AAK1: variants seen among roughly 807,000 people sequenced by gnomAD.
The protein encoded by AAK1 is AP2-associated protein kinase 1.
A neutral mutation model predicts 116.0 loss-of-function variants in AAK1; 37 were observed. That is an observed-to-expected ratio of 0.32 (90% CI 0.25 to 0.42). The LOEUF (loss-of-function observed/expected upper bound fraction) is 0.42, where lower values mean the gene tolerates loss of function less well. AAK1 is among the 10% of genes least tolerant of loss of function. The probability of loss-of-function intolerance (pLI) is 1.00; values close to 1 mark genes in which losing one functional copy is unlikely to be tolerated. For synonymous variants in AAK1, 458 were observed against 439.9 expected (o/e 1.04, Z -0.51); for missense variants, 919 against 1,170.6 (o/e 0.79, Z 3.14).
rs1332969132 is a variant in AAK1 at position 69,518,997 on chromosome 2, G to GGCTGCTGCTGTGCTGGCGGTGGCTGTT, written c.1427_1453dup (p.Gln476_Gln484dup). ...CTGCTGCTGGTAAAACGTGCCTGCC[G>GGCTGCTGCTGTGCTGGCGGTGGCTGTT]GCTGCTGCTGTGCTGGCGGTGGCTG... is the stretch of plus-strand genomic sequence containing the variant. On this transcript the variant is annotated inframe_insertion, in exon 12 of 22. Coordinates refer to ENST00000409085, the MANE Select transcript of AAK1 (RefSeq NM_014911.5). The GGCTGCTGCTGTGCTGGCGGTGGCTGTT allele has an allele frequency of 1.9e-6, 3 of 1,549,772 alleles. No homozygotes were observed. The South Asian group carries it at 3.6e-5, about 18-fold the overall frequency.
chr2:69,582,385 ACGTGTGTGTGTG>A lies in AAK1; in HGVS notation c.164-25419_164-25408del, dbSNP rs758229072. ...AACCTCCGTGTGTGCGTGTGTGTGCACGTGTGTGTGTGCGTGTGTGTGCGCGTGTGTGTGCGT... is the reference window on the plus strand; with the variant it reads ...AACCTCCGTGTGTGCGTGTGTGTGCACGTGTGTGTGCGCGTGTGTGTGCGT... On this transcript the variant is annotated intron_variant, in intron 2 of 21. Coordinates refer to ENST00000409085, the MANE Select transcript of AAK1 (RefSeq NM_014911.5). Among the ~76,000 whole-genome samples, 655 of 145,950 alleles carry A rather than the reference ACGTGTGTGTGTG, an allele frequency of 4.5e-3. 3 individuals carry two copies. Among genetic ancestry groups the A allele is most frequent in the African/African-American group, 0.014 (505 of 35,904 alleles).
At chr2:69,481,682 T>C (rs946158975) in intron 18 of AAK1, 2 of 152,204 alleles carry the variant, frequency 1.3e-5, no homozygotes, top group African/African-American at 2.4e-5. Flanking sequence ...TGCCTTGCTG[T>C]TGGAACATAG....
chr2:69,589,497 T>TC, intron 2 of AAK1, among the ~76,000 whole-genome samples: 1 of 149,472 alleles, frequency 6.7e-6, no homozygotes, highest in Non-Finnish European at 1.5e-5. Context: ...TCACCAGAGG[T>TC]CAGGAGTTCG....
At chr2:69,543,801 C>G (rs1470874135) in intron 4 of AAK1, among the ~76,000 whole-genome samples, 1 of 152,156 alleles carries the variant, frequency 6.6e-6, no homozygotes. Flanking sequence ...CTAAGCCAAA[C>G]CTCCAAACAA....
chr2:69,507,659 T>A, intron 14 of AAK1, 81 bp from the exon 15 acceptor site: 1 of 1,309,604 alleles, frequency 7.6e-7, no homozygotes, highest in Non-Finnish European at 1.0e-6. Flanking sequence ...TTTCTCTGTT[T>A]CAGAATCAAA....
Position 69,472,322 on chromosome 2 carries a change from A to G in AAK1, c.*3547T>C, listed in dbSNP as rs552920434. 3.3e-6 allele frequency: 1 copy of G among 298,798 alleles called. No homozygotes were observed. Among genetic ancestry groups the G allele is most frequent in the Admixed American group, 6.5e-5 (1 of 15,464 alleles). The allele number at this position is 298,798 out of a possible 1,614,324, so 18.5% of individuals were successfully genotyped here. Reference sequence around the variant, plus strand: ...AGTAGAAAAAGTAGACAAAGAAAGAATATACTTCCAGGTGCTTTCTCAAAG... The same window carrying G: ...AGTAGAAAAAGTAGACAAAGAAAGAGTATACTTCCAGGTGCTTTCTCAAAG... On this transcript the variant is annotated 3_prime_UTR_variant, in exon 22 of 22. Transcript: ENST00000409085.
chr2:69,509,080 T>C (rs1054261037), intron 14 of AAK1, 151 bp downstream of exon 14: 1 of 675,578 alleles, frequency 1.5e-6, no homozygotes, highest in African/African-American at 1.8e-5. Flanking sequence ...GCCAGAAAAA[T>C]AAACAAACCA....
chr2:69,624,108 C>T (rs918454247), intron 2 of AAK1, among the ~76,000 whole-genome samples: 1 of 152,086 alleles, frequency 6.6e-6, no homozygotes, highest in African/African-American at 2.4e-5. Flanking sequence ...GGAGGGAACA[C>T]GTCCAACCAC....
chr2:69,604,837 C>T (rs1673729998), intron 2 of AAK1, among the ~76,000 whole-genome samples: 2 of 152,180 alleles, frequency 1.3e-5, no homozygotes, highest in South Asian at 4.1e-4. Context: ...TCACACTAAA[C>T]ATACCCTAGC....
intron 20 of AAK1, chr2:69,478,726 T>C (rs1165725856): frequency 1.4e-5 from 6 of 416,430 alleles, no homozygotes; most frequent in Non-Finnish European, 2.2e-5. Flanking sequence ...AGTGCTGGGA[T>C]TGCAGGCCTG....
At chr2:69,552,324 T>C (rs1338620671) in intron 3 of AAK1, among the ~76,000 whole-genome samples, 2 of 152,180 alleles carry the variant, frequency 1.3e-5, no homozygotes, top group Non-Finnish European at 2.9e-5. Flanking sequence ...TTAACCAAGA[T>C]ATTAAATGAC....
chr2:69,461,414 G>C lies in AAK1; in HGVS notation c.*14455C>G, dbSNP rs1674338199. The stretch of plus-strand genomic sequence containing the variant: ...TTTTTTTTTCTCTTTAAGGAAATAA[G>C]ACCCTACTGTAATACAAGTCGGCAG... On this transcript the variant is annotated 3_prime_UTR_variant, in exon 22 of 22. Coordinates refer to ENST00000409085, the MANE Select transcript of AAK1 (RefSeq NM_014911.5). The C allele has an allele frequency of 1.3e-5, 3 of 223,580 alleles. No homozygotes were observed. The allele number at this position is 223,580 out of a possible 1,614,324, so 13.8% of individuals were successfully genotyped here.
chr2:69,614,678 T>C (rs1176608691), intron 2 of AAK1, among the ~76,000 whole-genome samples: 2 of 152,204 alleles, frequency 1.3e-5, no homozygotes, highest in South Asian at 4.1e-4. Flanking sequence ...AATGTGACCT[T>C]ATATAGAAAA....
At chr2:69,485,093 T>TAG (rs1675242398) in intron 17 of AAK1, among the ~76,000 whole-genome samples, 1 of 152,180 alleles carries the variant, frequency 6.6e-6, no homozygotes, top group African/African-American at 2.4e-5. Flanking sequence ...CTAAAAAGTC[T>TAG]AACTTTGCAT....
rs1675728666 is a variant in AAK1, at chr2:69,496,099, G to C, written c.2270-19C>G. 1 of 1,534,318 alleles carries C rather than the reference G, an allele frequency of 6.5e-7. No homozygotes were observed. Among genetic ancestry groups the C allele is most frequent in the African/African-American group, 1.4e-5 (1 of 72,654 alleles). On this transcript the variant is annotated intron_variant, in intron 16 of 21. Transcript: ENST00000409085. ...TTTTCAGCTGGAGTTAGGTTGGAGG[G>C]GAAGGAGGAGTCAGGAGAGAAAAAA...
rs1179937888 is a variant in AAK1, at chr2:69,459,846, T to C, written c.*16023A>G. On this transcript the variant is annotated 3_prime_UTR_variant, in exon 22 of 22. Coordinates refer to ENST00000409085, the MANE Select transcript of AAK1 (RefSeq NM_014911.5). ...TTTTGAAACTCTTCTTTTCCTTTAG[T>C]GATGTTTTCAGTAACAAACTTGCAA... 2 of 151,794 alleles carry C rather than the reference T, an allele frequency of 1.3e-5. No homozygotes were observed. The highest frequency in any genetic ancestry group is 4.8e-5 in the African/African-American group (2 of 41,298). The allele number at this position is 151,794 out of a possible 1,614,324, so 9.4% of individuals were successfully genotyped here.
chr2:69,592,411 T>A (rs1361121676), intron 2 of AAK1, among the ~76,000 whole-genome samples: 5 of 152,190 alleles, frequency 3.3e-5, no homozygotes, highest in Admixed American at 2.0e-4. Context: ...AACATCCTAA[T>A]AATGCACAGG....
chr2:69,595,074 A>G (rs1377209540), intron 2 of AAK1: 1 of 697,652 alleles, frequency 1.4e-6, no homozygotes, highest in East Asian at 2.8e-5. Flanking sequence ...CGTGAGCACT[A>G]TCAGCATGGA....
chr2:69,567,455 G>C (rs1671924394), intron 2 of AAK1, among the ~76,000 whole-genome samples: 1 of 152,190 alleles, frequency 6.6e-6, no homozygotes, highest in Admixed American at 6.5e-5. Flanking sequence ...GACGATGACT[G>C]ATTCACTGTG....
Sources: allele counts gnomAD v4.1 joint callset (sites outside exome capture counted in the v4.1 genomes callset), GRCh38; gene constraint gnomAD v4.1.1; transcripts MANE v1.5; gene names NCBI Gene and HGNC (gene_info 2026-07-23, HGNC 2026-07-21).